Variants in ASMTL observed in about 807,000 individuals in gnomAD.
The protein encoded by ASMTL is acetylserotonin O-methyltransferase like.
ASMTL carries 57 observed loss-of-function variants against 60.3 expected under a neutral mutation model. The observed-to-expected ratio is 0.95, with a 90% CI of 0.76 to 1.18. The LOEUF is 1.18. ASMTL is among the 50% of genes most tolerant of loss of function. The pLI is 0.00. For missense variants in ASMTL, 981 were observed against 852.6 expected (o/e 1.15, Z -1.88); for synonymous variants, 419 against 373.0 (o/e 1.12, Z -1.42).
intron 5 of ASMTL, among the ~76,000 whole-genome samples, chrX:1,432,829 TA>T (rs763182306): frequency 6.6e-6 from 1 of 152,018 alleles, no homozygotes; most frequent in African/African-American, 2.4e-5. Flanking sequence ...ACTCCGTCTC[TA>T]AAAAAAACAA....
upstream of ASMTL, chrX:1,452,932 T>C: frequency 9.6e-7 from 1 of 1,044,272 alleles, no homozygotes; most frequent in East Asian, 3.1e-5. Context: ...GCGGCCAGAG[T>C]CCCGCCTCCG....
chrX:1,414,577 G>A (rs547263134), intron 11 of ASMTL, among the ~76,000 whole-genome samples: 9 of 152,118 alleles, frequency 5.9e-5, no homozygotes, highest in African/African-American at 1.9e-4. Flanking sequence ...GCGTGGTGGC[G>A]GGCACTTGTC....
Position 1,452,760 on chromosome X carries a change from G to C in ASMTL, c.81C>G (p.Ile27Met), listed in dbSNP as rs775960853. ...LASASPRRQEILSNAGLRFEV... is the reference protein window; with the variant it reads ...LASASPRRQEMLSNAGLRFEV... ...GCCCAGGCCGTACCGCGTTGCTGAG[G>C]ATCTCCTGACGGCGTGGGGAGGCGC... Residue 27 changes from isoleucine to methionine, a missense_variant, in exon 1 of 13, where the codon ATC becomes ATG. Transcript: ENST00000381317. 1.9e-6 allele frequency: 3 copies of C among 1,592,904 alleles called. No homozygotes were observed. The highest frequency in any genetic ancestry group is 2.6e-6 in the Non-Finnish European group (3 of 1,175,762).
intron 12 of ASMTL, among the ~76,000 whole-genome samples, chrX:1,405,204 A>G (rs1279053876): frequency 1.6e-5 from 2 of 122,846 alleles, no homozygotes; most frequent in African/African-American, 5.8e-5. Flanking sequence ...ATGGGTACGT[A>G]GATAGATGAA....
At chrX:1,443,592 TCTTGGACAGACACC>T (rs2091167894) in intron 1 of ASMTL, among the ~76,000 whole-genome samples, 1 of 149,110 alleles carries the variant, frequency 6.7e-6, no homozygotes, top group Non-Finnish European at 1.5e-5. Context: ...CACACCGCCA[TCTTGGACAGACACC>T]GCCATCGTGG....
intron 9 of ASMTL, among the ~76,000 whole-genome samples, chrX:1,419,441 C>T (rs1236339022): frequency 6.6e-6 from 1 of 152,172 alleles, no homozygotes; most frequent in African/African-American, 2.4e-5. Flanking sequence ...CCGGGTGGCC[C>T]ACAAACACCT....
intron 1 of ASMTL, among the ~76,000 whole-genome samples, chrX:1,449,424 C>A (rs2091300002): frequency 6.6e-6 from 1 of 151,836 alleles, no homozygotes; most frequent in South Asian, 2.1e-4. Flanking sequence ...CCTGTCACCC[C>A]CAATCATGGA....
intron 11 of ASMTL, among the ~76,000 whole-genome samples, chrX:1,416,755 A>G (rs2090291443): frequency 8.0e-6 from 1 of 124,756 alleles, no homozygotes; most frequent in Admixed American, 8.6e-5. Flanking sequence ...TCATGCACAC[A>G]CAGACACATG....
chrX:1,448,526 C>T (rs760606340), intron 1 of ASMTL, among the ~76,000 whole-genome samples: 8 of 146,132 alleles, frequency 5.5e-5, no homozygotes, highest in East Asian at 2.1e-4. Flanking sequence ...GGACACATGC[C>T]GCCATCTTGG....
chrX:1,412,155 C>G (rs2090054096), intron 12 of ASMTL, among the ~76,000 whole-genome samples: 2 of 152,104 alleles, frequency 1.3e-5, no homozygotes. Context: ...TTACCCTCCA[C>G]AATTTAGCGG....
intron 1 of ASMTL, among the ~76,000 whole-genome samples, chrX:1,446,088 C>T (rs1405697642): frequency 4.6e-5 from 7 of 152,216 alleles, no homozygotes; most frequent in Non-Finnish European, 1.0e-4. Flanking sequence ...ATCCTGTACA[C>T]CTGGCTCTGC....
At chrX:1,433,461 C>T (rs1439563536) in intron 5 of ASMTL, among the ~76,000 whole-genome samples, 4 of 138,046 alleles carry the variant, frequency 2.9e-5, no homozygotes, top group South Asian at 2.3e-4. Flanking sequence ...GTCAGGAGAT[C>T]GAGACCCTCC....
intron 1 of ASMTL, among the ~76,000 whole-genome samples, chrX:1,450,964 C>G (rs2091358186): frequency 7.0e-6 from 1 of 143,818 alleles, no homozygotes; most frequent in African/African-American, 2.6e-5. Context: ...TCCCCCATCC[C>G]TAGGGGTCCT....
intron 5 of ASMTL, among the ~76,000 whole-genome samples, chrX:1,433,424 G>A (rs1162852253): frequency 1.3e-5 from 2 of 150,760 alleles, no homozygotes; most frequent in African/African-American, 4.9e-5. Flanking sequence ...CCAGCACTTT[G>A]GGAGGCCGAG....
chrX:1,430,999 T>C (rs868640662), intron 6 of ASMTL, among the ~76,000 whole-genome samples: 1 of 128,968 alleles, frequency 7.8e-6, no homozygotes, highest in Non-Finnish European at 1.5e-5. Context: ...CACTTTATAT[T>C]ATTATGTAAT....
Position 1,442,331 on chromosome X carries a change from A to G in ASMTL, c.94-14T>C. On this transcript the variant is annotated splice_polypyrimidine_tract_variant and intron_variant, in intron 1 of 12. Transcript: ENST00000381317. ...AAACCTGAGACCCTGCAACAGTAGA[A>G]AAGGGGTCAGAAGGGTCAATGAAAG... 1.9e-6 allele frequency: 3 copies of G among 1,613,770 alleles called. No homozygotes were observed. The highest frequency in any genetic ancestry group is 2.5e-6 in the Non-Finnish European group (3 of 1,179,814).
chrX:1,413,015 A>T, intron 11 of ASMTL, 161 bp from the exon 12 acceptor site: 1 of 757,468 alleles, frequency 1.3e-6, no homozygotes, highest in Non-Finnish European at 2.2e-6. Flanking sequence ...TGGGGACTTG[A>T]ACAGAGCTCC....
chrX:1,415,188 G>A (rs1324292155), intron 11 of ASMTL, among the ~76,000 whole-genome samples: 1 of 16,114 alleles, frequency 6.2e-5, no homozygotes, highest in Non-Finnish European at 2.5e-4. Context: ...TGATCCACCC[G>A]CCTCAGCCTC....
rs376221410 is a variant in ASMTL, at chrX:1,432,304, C to T, written c.474G>A (p.Glu158=). The T allele has an allele frequency of 6.2e-7, 1 of 1,613,006 alleles. No homozygotes were observed. Among genetic ancestry groups the T allele is most frequent in the Non-Finnish European group, 8.5e-7 (1 of 1,179,686 alleles). ...CGCTGTGGACGTATTCCCAGAGCAGCTCCTCGGACAGCTCCGAGAACTTCA... is the reference window on the plus strand; with the variant it reads ...CGCTGTGGACGTATTCCCAGAGCAGTTCCTCGGACAGCTCCGAGAACTTCA... The part of the protein sequence containing the change: ...TKVKFSELSE[E]LLWEYVHSGE... The change falls in exon 6 of 13, where the codon GAG becomes GAA. Residue 158 remains glutamate, a synonymous_variant. Coordinates refer to ENST00000381317, the MANE Select transcript of ASMTL (RefSeq NM_004192.4).
Sources: allele counts gnomAD v4.1 joint callset (sites outside exome capture counted in the v4.1 genomes callset), GRCh38; gene constraint gnomAD v4.1.1; transcripts MANE v1.5; gene names NCBI Gene and HGNC (gene_info 2026-07-23, HGNC 2026-07-21).